Variants in CSMD1 observed in about 807,000 individuals in gnomAD.
The protein encoded by CSMD1 is CUB and Sushi multiple domains 1, also known as CUB and sushi domain-containing protein 1.
CSMD1 carries 213 observed loss-of-function variants against 417.5 expected under a neutral mutation model. The observed-to-expected ratio is 0.51, with a 90% CI of 0.46 to 0.57. The LOEUF (loss-of-function observed/expected upper bound fraction) is 0.57. Among genes scored for constraint, CSMD1 ranks in the 20% least tolerant of loss-of-function variants. The pLI, the probability that CSMD1 is intolerant of heterozygous loss-of-function variation, is 0.00. For synonymous variants in CSMD1, 2,862 were observed against 1,736.8 expected (o/e 1.65, Z -16.11); for missense variants, 6,923 against 4,529.7 (o/e 1.53, Z -15.17).
At chr8:3,956,924 T>G (rs865796246) in intron 5 of CSMD1, among the ~76,000 whole-genome samples, 3 of 152,212 alleles carry the variant, frequency 2.0e-5, no homozygotes, top group Non-Finnish European at 2.9e-5. Context: ...TAAAGGCTAT[T>G]TTCATATCTA....
At chr8:3,870,252 G>C (rs1341003661) in intron 5 of CSMD1, among the ~76,000 whole-genome samples, 3 of 152,102 alleles carry the variant, frequency 2.0e-5, no homozygotes, top group Admixed American at 6.6e-5. Context: ...CTGAAATTAA[G>C]ATTATTCAAC....
intron 5 of CSMD1, among the ~76,000 whole-genome samples, chr8:3,767,418 T>A (rs148026177): frequency 6.6e-6 from 1 of 152,314 alleles, no homozygotes; most frequent in East Asian, 1.9e-4. Flanking sequence ...TCAGAATTGT[T>A]CATTGTGTGA....
intron 1 of CSMD1, among the ~76,000 whole-genome samples, chr8:4,848,100 A>T (rs1585206290): frequency 6.6e-6 from 1 of 150,918 alleles, no homozygotes; most frequent in Non-Finnish European, 1.5e-5. Context: ...CAACTGTGTT[A>T]TTTTTTTTGG....
chr8:4,190,928 A>T (rs1395246772), intron 3 of CSMD1, among the ~76,000 whole-genome samples: 1 of 148,526 alleles, frequency 6.7e-6, no homozygotes, highest in East Asian at 2.1e-4. Context: ...TAGGTGAACG[A>T]CACAAACTGC....
chr8:4,724,144 A>G (rs1209899462), intron 1 of CSMD1, among the ~76,000 whole-genome samples: 1 of 152,180 alleles, frequency 6.6e-6, no homozygotes, highest in Non-Finnish European at 1.5e-5. Context: ...CCTCTTGCAA[A>G]CAAAATAAAA....
chr8:4,144,896 G>C (rs905029561), intron 3 of CSMD1, among the ~76,000 whole-genome samples: 3 of 150,988 alleles, frequency 2.0e-5, no homozygotes, highest in Admixed American at 6.6e-5. Context: ...TAAAAAATAG[G>C]CTTTCAGACT....
chr8:3,201,406 GA>G (rs1159373908), intron 32 of CSMD1, among the ~76,000 whole-genome samples: 1 of 152,086 alleles, frequency 6.6e-6, no homozygotes, highest in Non-Finnish European at 1.5e-5. Flanking sequence ...ATCTTAGTAA[GA>G]TGATAAAAGC....
At chr8:3,896,283 T>G (rs1235469526) in intron 5 of CSMD1, among the ~76,000 whole-genome samples, 1 of 152,120 alleles carries the variant, frequency 6.6e-6, no homozygotes, top group Non-Finnish European at 1.5e-5. Context: ...TGTCTATGAG[T>G]GACATCGCCT....
At chr8:4,088,195 C>T (rs960847082) in intron 3 of CSMD1, among the ~76,000 whole-genome samples, 1 of 152,142 alleles carries the variant, frequency 6.6e-6, no homozygotes, top group Non-Finnish European at 1.5e-5. Flanking sequence ...ATGCCCAATC[C>T]CTTCATTAAA....
intron 10 of CSMD1, among the ~76,000 whole-genome samples, chr8:3,521,897 C>T (rs759288404): frequency 6.6e-6 from 1 of 152,102 alleles, no homozygotes; most frequent in South Asian, 2.1e-4. Flanking sequence ...TTTGTGTTGT[C>T]AATAAAAGCT....
Position 4,043,921 on chromosome 8 carries a change from A to C in CSMD1, c.416-11822T>G, listed in dbSNP as rs114310219. ...GATAAACCTGAATCTGTATAGACCTATGATATTTCCACCACACCATATTGT... is the reference window on the plus strand; with the variant it reads ...GATAAACCTGAATCTGTATAGACCTCTGATATTTCCACCACACCATATTGT... On this transcript the variant is annotated intron_variant, in intron 3 of 69. Coordinates refer to ENST00000635120, the MANE Select transcript of CSMD1 (RefSeq NM_033225.6). Among the ~76,000 whole-genome samples, 241 of 152,316 alleles carry C rather than the reference A, an allele frequency of 1.6e-3. 1 individual carries two copies. Among genetic ancestry groups the C allele is most frequent in the African/African-American group, 5.4e-3 (224 of 41,570 alleles).
chr8:3,106,135 T>C (rs1047443139), intron 46 of CSMD1, among the ~76,000 whole-genome samples: 4 of 150,106 alleles, frequency 2.7e-5, no homozygotes, highest in African/African-American at 4.9e-5. Context: ...CCTGCAATCC[T>C]AGCAATCTGG....
intron 3 of CSMD1, among the ~76,000 whole-genome samples, chr8:4,049,334 T>G (rs763660781): frequency 6.6e-6 from 1 of 151,974 alleles, no homozygotes; most frequent in Non-Finnish European, 1.5e-5. Flanking sequence ...ATCTACTAGA[T>G]GCCATAGCAC....
intron 3 of CSMD1, among the ~76,000 whole-genome samples, chr8:4,095,989 C>G (rs1311224737): frequency 6.6e-6 from 1 of 151,994 alleles, no homozygotes; most frequent in African/African-American, 2.4e-5. Context: ...ACCAAAAACC[C>G]AGAGTTGTCA....
At chr8:3,580,881 A>G (rs959561330) in intron 9 of CSMD1, among the ~76,000 whole-genome samples, 15 of 152,182 alleles carry the variant, frequency 9.9e-5, no homozygotes, top group Non-Finnish European at 2.2e-4. Flanking sequence ...GGAAAAGAAA[A>G]AGCTGTAAAA....
intron 3 of CSMD1, among the ~76,000 whole-genome samples, chr8:4,236,934 A>G (rs1802100883): frequency 1.3e-5 from 2 of 152,238 alleles, no homozygotes; most frequent in Non-Finnish European, 1.5e-5. Context: ...ATCAGAAACA[A>G]GTTCAAGTTC....
At chr8:3,540,748 G>T (rs1004625901) in intron 10 of CSMD1, among the ~76,000 whole-genome samples, 1 of 152,088 alleles carries the variant, frequency 6.6e-6, no homozygotes, top group Non-Finnish European at 1.5e-5. Flanking sequence ...CTTCTCAAAA[G>T]AAGACATCCA....
chr8:3,643,492 G>A (rs950166581), intron 7 of CSMD1, among the ~76,000 whole-genome samples: 3 of 151,934 alleles, frequency 2.0e-5, no homozygotes, highest in Non-Finnish European at 1.5e-5. Context: ...CACAAGGTCA[G>A]GAGATCGAAA....
chr8:4,714,178 C>A (rs1299585229), intron 1 of CSMD1, among the ~76,000 whole-genome samples: 3 of 152,052 alleles, frequency 2.0e-5, no homozygotes, highest in Admixed American at 2.0e-4. Flanking sequence ...TTGTGTTCTG[C>A]ACACCAACAC....
Sources: gnomAD v4.1 joint callset for allele counts (sites outside exome capture counted in the v4.1 genomes callset) on GRCh38, gnomAD v4.1.1 for gene constraint, MANE v1.5 for transcripts, NCBI Gene and HGNC (gene_info 2026-07-23, HGNC 2026-07-21) for gene names.